Variants in EXOC6B observed in about 807,000 individuals in gnomAD.
The protein encoded by EXOC6B is exocyst complex component 6B.
A neutral mutation model predicts 113.5 loss-of-function variants in EXOC6B; 54 were observed. The ratio of observed to expected loss-of-function variants is 0.48; its 90% CI spans 0.38 to 0.60. EXOC6B has a LOEUF of 0.60. Among genes scored for constraint, EXOC6B ranks in the 20% least tolerant of loss-of-function variants. The probability of loss-of-function intolerance (pLI) is 0.00; values close to 1 mark genes in which losing one functional copy is unlikely to be tolerated. For missense variants in EXOC6B, 797 were observed against 977.5 expected (o/e 0.82, Z 2.46); for synonymous variants, 357 against 339.0 (o/e 1.05, Z -0.58).
At chr2:72,294,121 T>A (rs1443520439) in intron 20 of EXOC6B, among the ~76,000 whole-genome samples, 1 of 149,622 alleles carries the variant, frequency 6.7e-6, no homozygotes, top group African/African-American at 2.4e-5. Flanking sequence ...ACATTAAAGT[T>A]AGTAATAATC....
At chr2:72,646,213 G>A (rs1371363899) in intron 6 of EXOC6B, among the ~76,000 whole-genome samples, 3 of 151,968 alleles carry the variant, frequency 2.0e-5, no homozygotes, top group Non-Finnish European at 2.9e-5. Flanking sequence ...TAAATTCCTC[G>A]ACACATACAC....
intron 6 of EXOC6B, among the ~76,000 whole-genome samples, chr2:72,598,040 C>T (rs1460495904): frequency 6.6e-6 from 1 of 151,840 alleles, no homozygotes; most frequent in Non-Finnish European, 1.5e-5. Context: ...AAAGATCCAG[C>T]AGGCAGAAAA....
At chr2:72,446,082 T>C (rs1696557667) in intron 18 of EXOC6B, among the ~76,000 whole-genome samples, 1 of 152,190 alleles carries the variant, frequency 6.6e-6, no homozygotes, top group African/African-American at 2.4e-5. Flanking sequence ...GAAAGCAGTA[T>C]GGCAATTTCT....
intron 18 of EXOC6B, among the ~76,000 whole-genome samples, chr2:72,438,247 A>G (rs1028730573): frequency 6.6e-6 from 1 of 152,120 alleles, no homozygotes; most frequent in African/African-American, 2.4e-5. Context: ...CTCAATCAGA[A>G]AAACACCAGA....
intron 20 of EXOC6B, among the ~76,000 whole-genome samples, chr2:72,289,644 C>A (rs1405648091): frequency 6.6e-6 from 1 of 152,136 alleles, no homozygotes; most frequent in South Asian, 2.1e-4. Context: ...TACTGAGCCA[C>A]AGAATGCCCA....
chr2:72,508,503 G>A (rs1047208053), intron 11 of EXOC6B, among the ~76,000 whole-genome samples: 3 of 152,146 alleles, frequency 2.0e-5, no homozygotes, highest in African/African-American at 7.2e-5. Flanking sequence ...CGGGCATAGT[G>A]GTTCATGCCT....
At chr2:72,424,691 A>G (rs1695102237) in intron 18 of EXOC6B, among the ~76,000 whole-genome samples, 1 of 152,188 alleles carries the variant, frequency 6.6e-6, no homozygotes, top group Non-Finnish European at 1.5e-5. Context: ...CGCTAATTGT[A>G]GCTCTATTTG....
chr2:72,254,791 A>G (rs1322756358), intron 20 of EXOC6B, among the ~76,000 whole-genome samples: 1 of 152,314 alleles, frequency 6.6e-6, no homozygotes, highest in African/African-American at 2.4e-5. Flanking sequence ...CGGCTGAATT[A>G]TGTACAGTTG....
At chr2:72,692,941 G>C (rs1240035869) in intron 6 of EXOC6B, among the ~76,000 whole-genome samples, 1 of 152,078 alleles carries the variant, frequency 6.6e-6, no homozygotes, top group Non-Finnish European at 1.5e-5. Flanking sequence ...CTAGGAGAAA[G>C]AAAAACAGAT....
At chr2:72,779,800 T>C (rs1449666164) in intron 1 of EXOC6B, among the ~76,000 whole-genome samples, 1 of 152,204 alleles carries the variant, frequency 6.6e-6, no homozygotes, top group African/African-American at 2.4e-5. Context: ...AGAAAGTCCT[T>C]TTCCTCTTTG....
In EXOC6B at chr2:72,277,015, G is replaced by A. The variant is rs17674242; in HGVS notation, c.2196+57932C>T. ...TTCAGAGGATCATTTTGGCAAACAA[G>A]TGAGTAGTATAACAGCCCCTTTCAC... On this transcript the variant is annotated intron_variant, in intron 20 of 21. Coordinates refer to ENST00000272427, the MANE Select transcript of EXOC6B (RefSeq NM_015189.3). 4.7e-3 allele frequency among the ~76,000 whole-genome samples: 716 copies of A among 152,254 alleles called. 1 individual carries two copies. The highest frequency in any genetic ancestry group is 7.5e-3 in the Non-Finnish European group (508 of 68,032).
At chr2:72,484,025 T>G (rs1388944947) in intron 16 of EXOC6B, among the ~76,000 whole-genome samples, 1 of 152,150 alleles carries the variant, frequency 6.6e-6, no homozygotes, top group South Asian at 2.1e-4. Flanking sequence ...CACAAGTAAA[T>G]GACACAAGTC....
intron 6 of EXOC6B, among the ~76,000 whole-genome samples, chr2:72,601,018 T>A (rs1670389750): frequency 6.6e-6 from 1 of 151,940 alleles, no homozygotes; most frequent in Admixed American, 6.6e-5. Context: ...AATAATCACA[T>A]ATAAAGATGT....
intron 20 of EXOC6B, among the ~76,000 whole-genome samples, chr2:72,317,074 G>T (rs1168340531): frequency 6.6e-6 from 1 of 152,044 alleles, no homozygotes; most frequent in Non-Finnish European, 1.5e-5. Context: ...TGCTTTGCTA[G>T]GGGTTCATCT....
chr2:72,444,709 CTGTAGCTTGGCCAG>C (rs1271535900), intron 18 of EXOC6B, among the ~76,000 whole-genome samples: 1 of 152,224 alleles, frequency 6.6e-6, no homozygotes, highest in Non-Finnish European at 1.5e-5. Flanking sequence ...AGGGCCTGAG[CTGTAGCTTGGCCAG>C]TTTTATTCAT....
intron 18 of EXOC6B, among the ~76,000 whole-genome samples, chr2:72,425,848 A>G (rs1695170256): frequency 1.3e-5 from 2 of 152,128 alleles, no homozygotes; most frequent in South Asian, 2.1e-4. Flanking sequence ...TTTTTCTTCA[A>G]TACTCTACAG....
At chr2:72,805,495 AT>A (rs1453862449) in intron 1 of EXOC6B, among the ~76,000 whole-genome samples, 3 of 152,130 alleles carry the variant, frequency 2.0e-5, no homozygotes, top group Admixed American at 6.6e-5. Context: ...TATTTTTAGT[AT>A]TTGTCAAGGC....
intron 20 of EXOC6B, among the ~76,000 whole-genome samples, chr2:72,230,865 T>C (rs553492687): frequency 1.3e-4 from 20 of 152,206 alleles, no homozygotes; most frequent in African/African-American, 4.3e-4. Context: ...ACAATATGAA[T>C]GGAAGCAGGA....
chr2:72,265,215 G>A (rs1050724836), intron 20 of EXOC6B, among the ~76,000 whole-genome samples: 19 of 151,040 alleles, frequency 1.3e-4, no homozygotes, highest in African/African-American at 4.7e-4. Context: ...GGGAACTGGA[G>A]CAAAGGTGAC....
Sources: allele counts gnomAD v4.1 joint callset (sites outside exome capture counted in the v4.1 genomes callset), GRCh38; gene constraint gnomAD v4.1.1; transcripts MANE v1.5; gene names NCBI Gene and HGNC (gene_info 2026-07-23, HGNC 2026-07-21).